Variants in SYN2 observed in about 807,000 individuals in gnomAD.
SYN2 encodes the protein synapsin II.
In SYN2, 19 loss-of-function variants were observed where a neutral mutation model predicts 50.9. The ratio of observed to expected loss-of-function variants is 0.37; its 90% CI spans 0.26 to 0.55. The LOEUF is 0.55. Among genes scored for constraint, SYN2 ranks in the 20% least tolerant of loss-of-function variants. SYN2 has a pLI of 0.81. For missense variants in SYN2, 587 were observed against 576.4 expected (o/e 1.02, Z -0.19); for synonymous variants, 255 against 224.9 (o/e 1.13, Z -1.20).
At chr3:12,047,704 G>A (rs1694769836) in intron 1 of SYN2, among the ~76,000 whole-genome samples, 1 of 152,084 alleles carries the variant, frequency 6.6e-6, no homozygotes, top group East Asian at 1.9e-4. Flanking sequence ...ATGGATTGGG[G>A]ACAGTGATTC....
At chr3:12,006,236 C>T (rs187527900) in intron 1 of SYN2, among the ~76,000 whole-genome samples, 1 of 152,280 alleles carries the variant, frequency 6.6e-6, no homozygotes, top group African/African-American at 2.4e-5. Context: ...GCTAATGTCA[C>T]CATTCTGAAT....
intron 1 of SYN2, among the ~76,000 whole-genome samples, chr3:12,118,498 AC>A (rs1427013598): frequency 6.6e-6 from 1 of 152,230 alleles, no homozygotes; most frequent in East Asian, 1.9e-4. Flanking sequence ...GGAAAAGCTT[AC>A]TGAAAGTACC....
chr3:12,073,180 G>A (rs898338321), intron 1 of SYN2, among the ~76,000 whole-genome samples: 17 of 152,128 alleles, frequency 1.1e-4, no homozygotes, highest in Non-Finnish European at 2.5e-4. Flanking sequence ...TTTCAGTAAA[G>A]CATCTGCATC....
intron 1 of SYN2, among the ~76,000 whole-genome samples, chr3:12,076,354 T>C (rs1286873679): frequency 6.6e-6 from 1 of 152,066 alleles, no homozygotes; most frequent in Non-Finnish European, 1.5e-5. Flanking sequence ...TTTTAGTACA[T>C]AAAGTAATTG....
At chr3:12,128,898 C>T (rs1054541990) in intron 1 of SYN2, among the ~76,000 whole-genome samples, 5 of 152,196 alleles carry the variant, frequency 3.3e-5, no homozygotes, top group Middle Eastern at 3.4e-3. Context: ...AACATTAGAG[C>T]ACTAACATGT....
chr3:12,110,986 G>T (rs895622729), intron 1 of SYN2, among the ~76,000 whole-genome samples: 4 of 152,186 alleles, frequency 2.6e-5, no homozygotes, highest in Admixed American at 6.6e-5. Flanking sequence ...GACTTCAGGG[G>T]ACTGTTGGGA....
At chr3:12,184,430 A>C (rs1698296267) in intron 11 of SYN2, 1 of 985,764 alleles carries the variant, frequency 1.0e-6, no homozygotes, top group African/African-American at 1.7e-5. Context: ...GAGCTACTGA[A>C]GGTCTGTCAG....
In SYN2 at chr3:12,161,496, G is replaced by A. The variant is rs374657081; in HGVS notation, c.775-50G>A. The A allele has an allele frequency of 1.5e-4, 236 of 1,603,046 alleles. 1 individual carries two copies. The highest frequency in any genetic ancestry group is 1.9e-4 in the Non-Finnish European group (225 of 1,170,944). On this transcript the variant is annotated intron_variant, in intron 5 of 12. Transcript: ENST00000621198. ...AAGAAAAATATGTGTAGGATTCCACGGAGAGATGGGCACACTCTGACAGTT... is the reference window on the plus strand; with the variant it reads ...AAGAAAAATATGTGTAGGATTCCACAGAGAGATGGGCACACTCTGACAGTT...
chr3:12,177,954 C>T (rs1173180010), intron 10 of SYN2, among the ~76,000 whole-genome samples: 3 of 152,158 alleles, frequency 2.0e-5, no homozygotes, highest in Non-Finnish European at 4.4e-5. Flanking sequence ...GAAGGAGAAG[C>T]GGCTCATCCC....
At chr3:12,033,268 C>G (rs1211989276) in intron 1 of SYN2, among the ~76,000 whole-genome samples, 2 of 152,134 alleles carry the variant, frequency 1.3e-5, no homozygotes, top group African/African-American at 4.8e-5. Context: ...GCTGGGAGAA[C>G]CACTGCTCTC....
intron 1 of SYN2, among the ~76,000 whole-genome samples, chr3:12,082,161 G>A (rs551894971): frequency 3.5e-4 from 54 of 152,296 alleles, no homozygotes; most frequent in Non-Finnish European, 6.6e-4. Context: ...TCAAACATGA[G>A]CTTTCAAGGG....
At chr3:12,116,123 C>A (rs577184068) in intron 1 of SYN2, among the ~76,000 whole-genome samples, 1 of 152,058 alleles carries the variant, frequency 6.6e-6, no homozygotes, top group East Asian at 1.9e-4. Flanking sequence ...TTTTAGGGGA[C>A]GTGGCCTAGA....
At chr3:12,112,669 C>A (rs1190124102) in intron 1 of SYN2, among the ~76,000 whole-genome samples, 1 of 152,052 alleles carries the variant, frequency 6.6e-6, no homozygotes, top group Non-Finnish European at 1.5e-5. Context: ...GGCTCTAAAA[C>A]CAAAAGAGGA....
At chr3:12,011,657 G>A (rs1255729508) in intron 1 of SYN2, among the ~76,000 whole-genome samples, 1 of 152,132 alleles carries the variant, frequency 6.6e-6, no homozygotes, top group African/African-American at 2.4e-5. Flanking sequence ...CAGGATTGAG[G>A]GTCAAAAGAC....
chr3:12,168,502 A>ACTT, intron 9 of SYN2, 24 bp downstream of exon 9: 1 of 1,595,098 alleles, frequency 6.3e-7, no homozygotes, highest in South Asian at 1.1e-5. Flanking sequence ...AAGCAGTAAG[A>ACTT]GGTAACTCCT....
rs1450351244 is a variant in SYN2, at chr3:12,097,773, A to G, written c.378-42878A>G. 2.6e-4 allele frequency among the ~76,000 whole-genome samples: 40 copies of G among 152,146 alleles called. 1 individual carries two copies. The highest frequency in any genetic ancestry group is 2.6e-3 in the Admixed American group (39 of 15,288). On this transcript the variant is annotated intron_variant, in intron 1 of 12. Transcript: ENST00000621198. ...GCAAGGACAGAAAACCAAACCCCAC[A>G]TGTTCTCACTCATAGGTGGGAATTG...
intron 1 of SYN2, among the ~76,000 whole-genome samples, chr3:12,090,477 T>C (rs1267933832): frequency 6.6e-6 from 1 of 151,962 alleles, no homozygotes; most frequent in Non-Finnish European, 1.5e-5. Context: ...CAAGTTTAAA[T>C]TTCTGGCTCT....
At chr3:12,120,107 C>T (rs1696521243) in intron 1 of SYN2, among the ~76,000 whole-genome samples, 1 of 151,992 alleles carries the variant, frequency 6.6e-6, no homozygotes, top group Admixed American at 6.6e-5. Context: ...CCCAGAGATA[C>T]CAGGGCTCCA....
intron 1 of SYN2, among the ~76,000 whole-genome samples, chr3:12,136,170 G>A (rs919596018): frequency 6.6e-6 from 1 of 152,210 alleles, no homozygotes; most frequent in Non-Finnish European, 1.5e-5. Context: ...CATGTTGGCT[G>A]TAGTCATATT....
Sources: allele counts gnomAD v4.1 joint callset (sites outside exome capture counted in the v4.1 genomes callset), GRCh38; gene constraint gnomAD v4.1.1; transcripts MANE v1.5; gene names NCBI Gene and HGNC (gene_info 2026-07-23, HGNC 2026-07-21).